Variants in KIF13A observed in about 807,000 individuals in gnomAD.
The protein encoded by KIF13A is kinesin family member 13A.
KIF13A carries 79 observed loss-of-function variants against 212.2 expected under a neutral mutation model. The ratio of observed to expected loss-of-function variants is 0.37; its 90% CI spans 0.31 to 0.45. The LOEUF is 0.45. Ranked by LOEUF, KIF13A falls within the 20% of genes least tolerant of loss-of-function variation. KIF13A has a pLI of 1.00. For synonymous variants in KIF13A, 789 were observed against 808.6 expected, an observed-to-expected ratio of 0.98 and a Z score of 0.41; for missense variants, 1,901 against 2,209.0, an observed-to-expected ratio of 0.86 and a Z score of 2.79.
intron 2 of KIF13A, among the ~76,000 whole-genome samples, chr6:17,931,803 A>T (rs979431091): frequency 6.6e-6 from 1 of 152,150 alleles, no homozygotes; most frequent in Non-Finnish European, 1.5e-5. Context: ...TTTAAATGCG[A>T]TTTCTTCTAA....
At chr6:17,962,290 G>A (rs979241566) in intron 2 of KIF13A, among the ~76,000 whole-genome samples, 1 of 151,742 alleles carries the variant, frequency 6.6e-6, no homozygotes, top group African/African-American at 2.4e-5. Context: ...CAGTCTAGAT[G>A]ACAGAGAAAG....
Position 17,982,505 on chromosome 6 carries a change from G to A in KIF13A, c.146+4549C>T. ...TAGTAAGAGGAAGCTTTCTTCAACT[G>A]ACCCTCCCTCACACGATTTGCAAGG... On this transcript the variant is annotated intron_variant, in intron 2 of 38. Coordinates refer to ENST00000259711, the MANE Select transcript of KIF13A (RefSeq NM_022113.6). The surrounding 1 kb of genome is among the most constrained non-coding windows in gnomAD (Gnocchi z 5.1). 3.7e-6 allele frequency: 3 copies of A among 811,296 alleles called. No homozygotes were observed. The highest frequency in any genetic ancestry group is 5.7e-5 in the South Asian group (1 of 17,690). The allele number at this position is 811,296 out of a possible 1,614,324, so 50.3% of individuals were successfully genotyped here. A position where few individuals can be genotyped will look rare whatever the true frequency, so the allele number is the denominator to read the frequency against.
At position 17,912,179 on chromosome 6, in the gene KIF13A, G is replaced by C. The variant is rs9371026; in HGVS notation, c.147-13999C>G. Among the ~76,000 whole-genome samples the C allele has an allele frequency of 8.4e-4, 127 of 152,048 alleles. 1 individual carries two copies. The highest frequency in any genetic ancestry group is 3.1e-4 in the Non-Finnish European group (21 of 68,022). ...CCATTCTCCATGATGTGATTATTAC[G>C]CATTGCATGCCTACATCAAAACATC... On this transcript the variant is annotated intron_variant, in intron 2 of 38. Transcript: ENST00000259711. The surrounding 1 kb of genome is among the most constrained non-coding windows in gnomAD (Gnocchi z 4.2).
intron 2 of KIF13A, among the ~76,000 whole-genome samples, chr6:17,948,481 A>G (rs1207670316): frequency 1.3e-5 from 2 of 152,048 alleles, no homozygotes; most frequent in Non-Finnish European, 2.9e-5. Context: ...AAAGCAAAAT[A>G]AGTTATGCTA....
chr6:17,913,073 C>T (rs944679297), intron 2 of KIF13A, among the ~76,000 whole-genome samples: 2 of 151,574 alleles, frequency 1.3e-5, no homozygotes, highest in Non-Finnish European at 2.9e-5. Context: ...AGGTGTGAAA[C>T]AGTGCTCAGC....
Position 17,951,315 on chromosome 6 carries a change from G to A in KIF13A, c.146+35739C>T. On this transcript the variant is annotated intron_variant, in intron 2 of 38. Coordinates refer to ENST00000259711, the MANE Select transcript of KIF13A (RefSeq NM_022113.6). This position sits in a 1 kb window ranked among gnomAD's most constrained non-coding sequence, Gnocchi z 4.9. ...GCTAATTTTAAACAAATTTTTTGTA[G>A]AGATGGGGTTTTGCCATGTTGCAAA... is the stretch of plus-strand genomic sequence containing the variant. 1.1e-5 allele frequency: 7 copies of A among 612,538 alleles called. No individual in the cohort carries two copies. The highest frequency in any genetic ancestry group is 2.0e-5 in the Non-Finnish European group (7 of 343,256). 37.9% of individuals were successfully genotyped at this position (612,538 alleles called of 1,614,324 possible).
chr6:17,972,794 A>G (rs1408396608), intron 2 of KIF13A, among the ~76,000 whole-genome samples: 1 of 151,182 alleles, frequency 6.6e-6, no homozygotes, highest in African/African-American at 2.4e-5. Flanking sequence ...CCTTTCCTCA[A>G]AGGCTTCCTT....
At chr6:17,880,627 C>CAAAAAAA (rs34817140) in intron 3 of KIF13A, among the ~76,000 whole-genome samples, 1 of 69,328 alleles carries the variant, frequency 1.4e-5, no homozygotes, top group African/African-American at 5.7e-5. Context: ...GACTCTGTCT[C>CAAAAAAA]AAAAAAAAAA....
Position 17,843,278 on chromosome 6 carries a change from G to T in KIF13A, c.831-5695C>A, listed in dbSNP as rs1004528882. Among the ~76,000 whole-genome samples the T allele has an allele frequency of 1.3e-5, 2 of 152,158 alleles. No individual in the cohort carries two copies. Among genetic ancestry groups the T allele is most frequent in the Non-Finnish European group, 2.9e-5 (2 of 68,032 alleles). On this transcript the variant is annotated intron_variant, in intron 9 of 38. Transcript: ENST00000259711. This position sits in a 1 kb window ranked among gnomAD's most constrained non-coding sequence, Gnocchi z 5.3. Reference sequence around the variant, plus strand: ...AAAGGACTAATTCAATGATGGTTTTGGGATACATCGAGTGCTACTTGCTAA... The same window carrying T: ...AAAGGACTAATTCAATGATGGTTTTTGGATACATCGAGTGCTACTTGCTAA...
At position 17,838,181 on chromosome 6, in the gene KIF13A, C is replaced by T. The variant is rs568170623; in HGVS notation, c.831-598G>A. ...TACTAAAAATACAAAAATTGCCAGGCGTGGCGGCGTGTGCCTATAGTCCCA... is the reference window on the plus strand; with the variant it reads ...TACTAAAAATACAAAAATTGCCAGGTGTGGCGGCGTGTGCCTATAGTCCCA... On this transcript the variant is annotated intron_variant, in intron 9 of 38. Coordinates refer to ENST00000259711, the MANE Select transcript of KIF13A (RefSeq NM_022113.6). The surrounding 1 kb of genome is among the most constrained non-coding windows in gnomAD (Gnocchi z 4.2). Among the ~76,000 whole-genome samples the T allele has an allele frequency of 5.8e-4, 88 of 151,606 alleles. No homozygotes were observed. Among genetic ancestry groups the T allele is most frequent in the Admixed American group, 3.8e-3 (58 of 15,206 alleles).
chr6:17,813,601 CA>C (rs1763628407), intron 17 of KIF13A, among the ~76,000 whole-genome samples: 1 of 152,206 alleles, frequency 6.6e-6, no homozygotes, highest in Non-Finnish European at 1.5e-5. Flanking sequence ...CTTCATTTAA[CA>C]TTAACAAGTG....
At chr6:17,861,382 G>A (rs1298151399) in intron 4 of KIF13A, among the ~76,000 whole-genome samples, 1 of 139,882 alleles carries the variant, frequency 7.1e-6, no homozygotes, top group Non-Finnish European at 1.6e-5. Context: ...ATTTTTAACA[G>A]GAGCTCAGCT....
chr6:17,881,822 C>A, intron 3 of KIF13A: 1 of 350,934 alleles, frequency 2.8e-6, no homozygotes, highest in East Asian at 7.4e-5. Flanking sequence ...ATGGTGAAAC[C>A]TTGTCTCTAC....
At chr6:17,973,543 TATAA>T (rs1342746181) in intron 2 of KIF13A, among the ~76,000 whole-genome samples, 2 of 152,228 alleles carry the variant, frequency 1.3e-5, no homozygotes, top group South Asian at 2.1e-4. Context: ...TTTCAGCTCC[TATAA>T]ATGTTACCTA....
chr6:17,941,414 AT>A (rs1266943289), intron 2 of KIF13A, among the ~76,000 whole-genome samples: 2 of 152,174 alleles, frequency 1.3e-5, no homozygotes, highest in Non-Finnish European at 2.9e-5. Flanking sequence ...CACACCCTAA[AT>A]TTCCATATTG....
chr6:17,885,578 C>T (rs1242668424), intron 3 of KIF13A, among the ~76,000 whole-genome samples: 3 of 152,202 alleles, frequency 2.0e-5, no homozygotes, highest in African/African-American at 2.4e-5. Context: ...AAACAACTAT[C>T]CTTGGAAAAT....
rs988783213 is a variant in KIF13A, at chr6:17,843,463, T to C, written c.831-5880A>G. On this transcript the variant is annotated intron_variant, in intron 9 of 38. Transcript: ENST00000259711. This position sits in a 1 kb window ranked among gnomAD's most constrained non-coding sequence, Gnocchi z 5.3. ...TCCAAGAAAACTGTTGTTCTTCTGATAAAAGAAGGTACAAATTCAGCTGAC... is the reference window on the plus strand; with the variant it reads ...TCCAAGAAAACTGTTGTTCTTCTGACAAAAGAAGGTACAAATTCAGCTGAC... 5.3e-5 allele frequency among the ~76,000 whole-genome samples: 8 copies of C among 152,238 alleles called. No individual in the cohort carries two copies. Among genetic ancestry groups the C allele is most frequent in the Non-Finnish European group, 1.0e-4 (7 of 68,046 alleles).
Position 17,816,900 on chromosome 6 carries a change from G to C in KIF13A, c.2000+120C>G. Reference sequence around the variant, plus strand: ...AGGAAAAGCTAATTGGCAATATCACGTATGGGATTAAGAGTTCTCTTGTTG... The same window carrying C: ...AGGAAAAGCTAATTGGCAATATCACCTATGGGATTAAGAGTTCTCTTGTTG... On this transcript the variant is annotated intron_variant, in intron 17 of 38. Coordinates refer to ENST00000259711, the MANE Select transcript of KIF13A (RefSeq NM_022113.6). This position sits in a 1 kb window ranked among gnomAD's most constrained non-coding sequence, Gnocchi z 4.3. 4 of 697,724 alleles carry C rather than the reference G, an allele frequency of 5.7e-6. No individual in the cohort carries two copies. Among genetic ancestry groups the C allele is most frequent in the South Asian group, 3.8e-5 (2 of 52,856 alleles). 43.2% of individuals were successfully genotyped at this position (697,724 alleles called of 1,614,324 possible). A position where few individuals can be genotyped will look rare whatever the true frequency, so the allele number is the denominator to read the frequency against.
intron 26 of KIF13A, among the ~76,000 whole-genome samples, chr6:17,788,428 A>G (rs1046858839): frequency 2.0e-5 from 3 of 152,324 alleles, no homozygotes. Context: ...TGCAAACTCC[A>G]ACATGCAGTC....
Sources: allele counts gnomAD v4.1 joint callset (sites outside exome capture counted in the v4.1 genomes callset), GRCh38; gene constraint gnomAD v4.1.1; non-coding constraint Gnocchi (gnomAD v3.1); transcripts MANE v1.5; gene names NCBI Gene and HGNC (gene_info 2026-07-23, HGNC 2026-07-21).